AK5: variants seen among roughly 807,000 people sequenced by gnomAD.
AK5 encodes adenylate kinase 5, also known as adenylate kinase isoenzyme 5.
Under a neutral mutation model 69.5 loss-of-function variants are expected in AK5, and 27 were observed. The observed-to-expected ratio is 0.39, with a 90% CI of 0.29 to 0.54. The LOEUF is 0.54. AK5 is among the 20% of genes least tolerant of loss of function. The pLI is 0.71. For missense variants in AK5, 531 were observed against 700.4 expected (o/e 0.76, Z 2.73); for synonymous variants, 260 against 244.4 (o/e 1.06, Z -0.60).
chr1:77,364,278 G>C (rs1043308054), intron 6 of AK5, among the ~76,000 whole-genome samples: 1 of 151,874 alleles, frequency 6.6e-6, no homozygotes, highest in African/African-American at 2.4e-5. Context: ...ATATTTATGG[G>C]GCACATAGTG....
intron 13 of AK5, among the ~76,000 whole-genome samples, chr1:77,543,119 T>A (rs747292599): frequency 3.3e-5 from 5 of 152,224 alleles, no homozygotes; most frequent in Admixed American, 6.5e-5. Flanking sequence ...CTGGTCACCA[T>A]GCTGTCAGGA....
intron 10 of AK5, among the ~76,000 whole-genome samples, chr1:77,505,831 G>T (rs1295866715): frequency 6.6e-6 from 1 of 152,146 alleles, no homozygotes; most frequent in Non-Finnish European, 1.5e-5. Flanking sequence ...GGGAGGTGGA[G>T]GTGGAGATGG....
At chr1:77,530,042 CTGTTTA>C (rs776695245) in intron 12 of AK5, among the ~76,000 whole-genome samples, 14 of 152,298 alleles carry the variant, frequency 9.2e-5, no homozygotes, top group East Asian at 3.9e-4. Context: ...ACCAGTGTTT[CTGTTTA>C]TAAGTGTATT....
At chr1:77,531,832 C>G (rs189988333) in intron 12 of AK5, among the ~76,000 whole-genome samples, 1 of 134,232 alleles carries the variant, frequency 7.4e-6, no homozygotes, top group African/African-American at 2.8e-5. Flanking sequence ...AGGCTGGTGC[C>G]GCGCAGGAGA....
chr1:77,534,871 A>G (rs947839893), intron 12 of AK5, among the ~76,000 whole-genome samples: 1 of 152,110 alleles, frequency 6.6e-6, no homozygotes, highest in African/African-American at 2.4e-5. Flanking sequence ...TTAAAGAACA[A>G]TTTGTTATTA....
chr1:77,431,621 C>T (rs990259559), intron 8 of AK5, among the ~76,000 whole-genome samples: 7 of 152,088 alleles, frequency 4.6e-5, no homozygotes, highest in African/African-American at 1.7e-4. Flanking sequence ...AAAATATAAC[C>T]CTATGTCACT....
intron 8 of AK5, among the ~76,000 whole-genome samples, chr1:77,457,444 A>T (rs1422640258): frequency 6.6e-6 from 1 of 152,022 alleles, no homozygotes; most frequent in Non-Finnish European, 1.5e-5. Context: ...TTTTCTACCT[A>T]AATTTTCTAC....
intron 8 of AK5, among the ~76,000 whole-genome samples, chr1:77,419,511 A>T (rs1370101878): frequency 6.6e-6 from 1 of 152,192 alleles, no homozygotes; most frequent in Non-Finnish European, 1.5e-5. Context: ...GGAAAAGAAG[A>T]AAGAAAAAGG....
At chr1:77,524,638 A>G (rs1464303646) in intron 12 of AK5, among the ~76,000 whole-genome samples, 1 of 152,156 alleles carries the variant, frequency 6.6e-6, no homozygotes, top group African/African-American at 2.4e-5. Flanking sequence ...TATTTTGGAT[A>G]GTAACTCCTT....
intron 8 of AK5, among the ~76,000 whole-genome samples, chr1:77,466,813 C>T (rs1473146721): frequency 6.6e-6 from 1 of 152,182 alleles, no homozygotes; most frequent in Non-Finnish European, 1.5e-5. Flanking sequence ...CAGTGGTCCA[C>T]ACCTTCTAAC....
At chr1:77,395,850 G>C (rs1379994150) in intron 6 of AK5, among the ~76,000 whole-genome samples, 1 of 152,126 alleles carries the variant, frequency 6.6e-6, no homozygotes. Flanking sequence ...TTTCTTCTCG[G>C]ATAATCCCAA....
chr1:77,289,346 A>G (rs1190865477), intron 2 of AK5, among the ~76,000 whole-genome samples: 1 of 152,178 alleles, frequency 6.6e-6, no homozygotes, highest in Non-Finnish European at 1.5e-5. Context: ...GGGCTTGAAC[A>G]GTTCATACAC....
intron 6 of AK5, among the ~76,000 whole-genome samples, chr1:77,368,215 C>CCA (rs1647035233): frequency 7.1e-5 from 2 of 28,202 alleles, no homozygotes; most frequent in East Asian, 9.8e-3. Context: ...AGTAGAGATA[C>CCA]TATATATATA....
intron 5 of AK5, among the ~76,000 whole-genome samples, chr1:77,339,057 G>A (rs1570404954): frequency 6.6e-6 from 1 of 151,930 alleles, no homozygotes; most frequent in East Asian, 1.9e-4. Flanking sequence ...TGTGATATGG[G>A]AAAAAAATCA....
chr1:77,367,554 T>TATATATATATATATATATATATG (rs59508312), intron 6 of AK5, among the ~76,000 whole-genome samples: 1 of 28,588 alleles, frequency 3.5e-5, no homozygotes, highest in Non-Finnish European at 7.2e-5. Context: ...ATTTATGTTA[T>TATATATATATATATATATATATG]TTTTATATAT....
intron 6 of AK5, among the ~76,000 whole-genome samples, chr1:77,402,606 C>G (rs1325437294): frequency 1.3e-5 from 2 of 152,010 alleles, no homozygotes; most frequent in Non-Finnish European, 2.9e-5. Context: ...TCATCCATGT[C>G]CCTACAAAGG....
At chr1:77,425,018 G>GA (rs1557583126) in intron 8 of AK5, among the ~76,000 whole-genome samples, 1 of 152,126 alleles carries the variant, frequency 6.6e-6, no homozygotes. Context: ...AAAGAAGCCA[G>GA]ATTTTAAAAA....
At chr1:77,422,057 T>C (rs1036366923) in intron 8 of AK5, among the ~76,000 whole-genome samples, 1 of 152,178 alleles carries the variant, frequency 6.6e-6, no homozygotes, top group African/African-American at 2.4e-5. Flanking sequence ...CTTCTGTTCT[T>C]CCTATTTCTG....
At chr1:77,494,904 C>G (rs1238202563) in intron 10 of AK5, among the ~76,000 whole-genome samples, 1 of 151,900 alleles carries the variant, frequency 6.6e-6, no homozygotes, top group East Asian at 1.9e-4. Context: ...GCCTCAGCCT[C>G]CCGGGTAGCT....
Sources: gnomAD v4.1 joint callset for allele counts (sites outside exome capture counted in the v4.1 genomes callset) on GRCh38, gnomAD v4.1.1 for gene constraint, MANE v1.5 for transcripts, NCBI Gene and HGNC (gene_info 2026-07-23, HGNC 2026-07-21) for gene names.